The following GRM5 variants were observed in gnomAD, a reference collection of about 807,000 sequenced individuals.
The protein encoded by GRM5 is glutamate metabotropic receptor 5, also known as metabotropic glutamate receptor 5.
In GRM5, 19 loss-of-function variants were observed where a neutral mutation model predicts 83.1. That is an observed-to-expected ratio of 0.23 (90% confidence interval 0.16 to 0.34). The LOEUF (loss-of-function observed/expected upper bound fraction) is 0.34, where lower values mean the gene tolerates loss of function less well. Ranked by LOEUF, GRM5 falls within the 10% of genes least tolerant of loss-of-function variation. GRM5 has a pLI of 1.00. For missense variants in GRM5, 1,160 were observed against 1,588.3 expected, an observed-to-expected ratio of 0.73 and a Z score of 4.58; for synonymous variants, 675 against 633.6, an observed-to-expected ratio of 1.07 and a Z score of -0.98.
Position 89,039,220 on chromosome 11 carries a change from G to A in GRM5, c.661+7992C>T, listed in dbSNP as rs188393961. ...GCGGAGGTTGCAGTGAGCCGAGATC[G>A]CGCCACTGCACTCCAGCCTGGGCGA... On this transcript the variant is annotated intron_variant, in intron 2 of 9. Transcript: ENST00000305447. Among the ~76,000 whole-genome samples, 880 of 151,526 alleles carry A rather than the reference G, an allele frequency of 5.8e-3. 17 individuals carry two copies. The highest frequency in any genetic ancestry group is 0.037 in the East Asian group (191 of 5,134).
rs529703024 is a variant in GRM5, at chr11:88,866,048, C to T, written c.662-15893G>A. On this transcript the variant is annotated intron_variant, in intron 2 of 9. Coordinates refer to ENST00000305447, the MANE Select transcript of GRM5 (RefSeq NM_001143831.3). Reference sequence around the variant, plus strand: ...GAAATACCATTTAATCCAGCAATCCCATTACTGAGTATATACCCAAAAGAT... The same window carrying T: ...GAAATACCATTTAATCCAGCAATCCTATTACTGAGTATATACCCAAAAGAT... Among the ~76,000 whole-genome samples, 89 of 152,242 alleles carry T rather than the reference C, an allele frequency of 5.8e-4. 1 individual carries two copies. The South Asian group carries it at 0.018, about 31-fold the overall frequency.
intron 3 of GRM5, among the ~76,000 whole-genome samples, chr11:88,720,936 T>C (rs538058330): frequency 5.9e-5 from 9 of 152,024 alleles, no homozygotes; most frequent in Non-Finnish European, 1.3e-4. Flanking sequence ...GATGTGTTTT[T>C]TCATAATTTA....
At chr11:89,019,934 C>T (rs1292717074) in intron 2 of GRM5, among the ~76,000 whole-genome samples, 1 of 152,104 alleles carries the variant, frequency 6.6e-6, no homozygotes, top group East Asian at 1.9e-4. Flanking sequence ...TTTCTTCATA[C>T]ACACAAAGAG....
At position 88,537,444 on chromosome 11, in the gene GRM5, C is replaced by T. The variant is rs549392683; in HGVS notation, c.2631-12040G>A. On this transcript the variant is annotated intron_variant, in intron 8 of 9. Transcript: ENST00000305447. ...TGTGATAGCAGAAGACAGACAGGGA[C>T]GAGATGGTAGAATATTTTAACAACT... is the stretch of plus-strand genomic sequence containing the variant. Among the ~76,000 whole-genome samples the T allele has an allele frequency of 1.1e-4, 17 of 152,080 alleles. No individual in the cohort carries two copies. The South Asian group carries it at 2.3e-3, about 20-fold the overall frequency.
rs1225171602 is a variant in GRM5, at chr11:89,061,284, G to A, written c.-201+4492C>T. 2.0e-5 allele frequency among the ~76,000 whole-genome samples: 3 copies of A among 152,028 alleles called. No homozygotes were observed. In the South Asian group the frequency reaches 6.2e-4, roughly 31 times the overall value. On this transcript the variant is annotated intron_variant, in intron 1 of 9. Transcript: ENST00000305447. The stretch of plus-strand genomic sequence containing the variant: ...GGATAGAAAACCTGGGATAAAATTG[G>A]TATACAAATAAATACAATATTTTTA...
chr11:88,526,270 A>T (rs1260562595), intron 8 of GRM5, among the ~76,000 whole-genome samples: 1 of 152,224 alleles, frequency 6.6e-6, no homozygotes, highest in Non-Finnish European at 1.5e-5. Context: ...GTGCATCAAG[A>T]TGAGTTCTTG....
chr11:88,612,830 T>C (rs1264095045), intron 4 of GRM5: 1 of 152,328 alleles, frequency 6.6e-6, no homozygotes, highest in African/African-American at 2.4e-5. Context: ...TTCACAAATT[T>C]GCGTGTCATC....
chr11:88,839,604 T>G (rs756148759), intron 3 of GRM5, among the ~76,000 whole-genome samples: 1 of 152,230 alleles, frequency 6.6e-6, no homozygotes, highest in Non-Finnish European at 1.5e-5. Flanking sequence ...CTATTTTTCA[T>G]GATTATAAAT....
chr11:88,995,643 G>A (rs930221111), intron 2 of GRM5, among the ~76,000 whole-genome samples: 2 of 151,652 alleles, frequency 1.3e-5, no homozygotes, highest in South Asian at 2.1e-4. Context: ...CTTGGGCAAG[G>A]ACAATTAAAG....
intron 7 of GRM5, among the ~76,000 whole-genome samples, chr11:88,570,128 A>C (rs1942956610): frequency 1.3e-5 from 2 of 152,114 alleles, no homozygotes; most frequent in South Asian, 4.1e-4. Context: ...AAGATCTCAC[A>C]TTTCAGATAG....
intron 8 of GRM5, among the ~76,000 whole-genome samples, chr11:88,528,946 C>T (rs1941944297): frequency 6.6e-6 from 1 of 152,060 alleles, no homozygotes; most frequent in African/African-American, 2.4e-5. Context: ...TTCTAAAGCT[C>T]ATGCTATTTC....
At chr11:88,942,841 G>A (rs1231772274) in intron 2 of GRM5, among the ~76,000 whole-genome samples, 1 of 151,890 alleles carries the variant, frequency 6.6e-6, no homozygotes, top group Non-Finnish European at 1.5e-5. Context: ...CAACAAATAT[G>A]TTTTAACATC....
chr11:88,919,802 G>GT (rs1174313667), intron 2 of GRM5, among the ~76,000 whole-genome samples: 2 of 151,940 alleles, frequency 1.3e-5, no homozygotes, highest in East Asian at 3.9e-4. Context: ...TGAATGACCA[G>GT]TGGGCCCATG....
chr11:88,978,867 C>G (rs1939431132), intron 2 of GRM5, among the ~76,000 whole-genome samples: 1 of 152,104 alleles, frequency 6.6e-6, no homozygotes, highest in South Asian at 2.1e-4. Flanking sequence ...GACACACATT[C>G]AGTGAGTGGA....
intron 3 of GRM5, among the ~76,000 whole-genome samples, chr11:88,759,692 T>A (rs1365757741): frequency 6.6e-6 from 1 of 151,976 alleles, no homozygotes; most frequent in Non-Finnish European, 1.5e-5. Flanking sequence ...AACAAAGATA[T>A]CCAGGATCTA....
At chr11:88,661,459 AT>A (rs142361612) in intron 3 of GRM5, among the ~76,000 whole-genome samples, 30 of 150,106 alleles carry the variant, frequency 2.0e-4, no homozygotes, top group African/African-American at 4.9e-4. Context: ...GCATCTCAGT[AT>A]TTTTTTTTTC....
At chr11:88,705,915 G>A (rs1035492852) in intron 3 of GRM5, among the ~76,000 whole-genome samples, 2 of 151,906 alleles carry the variant, frequency 1.3e-5, no homozygotes, top group Non-Finnish European at 2.9e-5. Context: ...CACTTACTAT[G>A]TATCACACAC....
At chr11:88,980,730 G>A (rs1221718985) in intron 2 of GRM5, among the ~76,000 whole-genome samples, 2 of 152,100 alleles carry the variant, frequency 1.3e-5, no homozygotes, top group Admixed American at 6.6e-5. Context: ...GGCTGATGCA[G>A]GAGAATGGCA....
intron 2 of GRM5, among the ~76,000 whole-genome samples, chr11:89,028,074 T>C (rs1180584071): frequency 1.3e-5 from 2 of 152,160 alleles, no homozygotes; most frequent in African/African-American, 2.4e-5. Context: ...AATCATCAAA[T>C]CTGCCAGCGT....
Sources: allele counts gnomAD v4.1 joint callset (sites outside exome capture counted in the v4.1 genomes callset), GRCh38; gene constraint gnomAD v4.1.1; transcripts MANE v1.5; gene names NCBI Gene and HGNC (gene_info 2026-07-23, HGNC 2026-07-21).